TACC2: variants seen among roughly 807,000 people sequenced by gnomAD.
TACC2 encodes transforming acidic coiled-coil-containing protein 2.
Under a neutral mutation model 227.3 loss-of-function variants are expected in TACC2, and 137 were observed. The ratio of observed to expected loss-of-function variants is 0.60; its 90% CI spans 0.52 to 0.69. The LOEUF is 0.69. Ranked by LOEUF, TACC2 falls within the 30% of genes least tolerant of loss-of-function variation. The pLI is 0.00. For missense variants in TACC2, 3,470 were observed against 3,694.4 expected, an observed-to-expected ratio of 0.94 and a Z score of 1.57; for synonymous variants, 1,523 against 1,487.5, an observed-to-expected ratio of 1.02 and a Z score of -0.55.
Position 122,229,452 on chromosome 10 carries a change from AAAAG to A in TACC2, c.8006_8009del (p.Lys2669ThrfsTer13). On this transcript the variant is annotated frameshift_variant, in exon 15 of 23. Coordinates refer to ENST00000369005, the MANE Select transcript of TACC2 (RefSeq NM_206862.4). LOFTEE classifies it high-confidence loss of function. The stretch of plus-strand genomic sequence containing the variant: ...GACTATCTGGAGCCCGACTTAGCAG[AAAAG>A]AACCCCCCACTATTCGCTCAGAAAC... 6.2e-7 allele frequency: 1 copy of A among 1,613,986 alleles called. No individual in the cohort carries two copies. The highest frequency in any genetic ancestry group is 8.5e-7 in the Non-Finnish European group (1 of 1,180,002).
rs1453000758 is a variant in TACC2 at position 122,033,252 on chromosome 10, T to A, written c.33+11238T>A. 10 of 785,374 alleles carry A rather than the reference T, an allele frequency of 1.3e-5. No homozygotes were observed. In the East Asian group the frequency reaches 6.6e-4, roughly 52 times the overall value. 48.7% of individuals were successfully genotyped at this position (785,374 alleles called of 1,614,324 possible). ...TGGTGTGTCATGTGCATTTATATAT[T>A]TAGGTTTTCTCCTCCTCCCTCTTCC... On this transcript the variant is annotated intron_variant, in intron 2 of 22. Transcript: ENST00000369005.
intron 12 of TACC2, among the ~76,000 whole-genome samples, chr10:122,225,064 TAA>T (rs10712513): frequency 1.7e-3 from 243 of 143,866 alleles, no homozygotes; most frequent in South Asian, 2.2e-3. Flanking sequence ...GAGATTTCTT[TAA>T]AAAAAAAAAA....
chr10:122,047,086 C>T (rs1008572814), intron 2 of TACC2, among the ~76,000 whole-genome samples: 3 of 151,248 alleles, frequency 2.0e-5, no homozygotes, highest in African/African-American at 4.9e-5. Flanking sequence ...GTCAGGAGTT[C>T]GAGACTAGCC....
intron 3 of TACC2, among the ~76,000 whole-genome samples, chr10:122,081,445 G>A (rs1348206758): frequency 1.3e-5 from 2 of 149,652 alleles, no homozygotes; most frequent in African/African-American, 4.9e-5. Context: ...GGAGAATGGC[G>A]TGAACCCAGG....
intron 14 of TACC2, among the ~76,000 whole-genome samples, chr10:122,228,980 A>G (rs1232149337): frequency 6.6e-6 from 1 of 151,980 alleles, no homozygotes; most frequent in African/African-American, 2.4e-5. Flanking sequence ...TCATATATAT[A>G]TATATTTGGA....
chr10:122,201,552 G>A (rs1470702329), intron 8 of TACC2, among the ~76,000 whole-genome samples: 2 of 152,256 alleles, frequency 1.3e-5, no homozygotes, highest in Non-Finnish European at 2.9e-5. Flanking sequence ...GTGCACCTTG[G>A]ATGGAGACAC....
chr10:122,196,753 G>A (rs535179558), intron 8 of TACC2, among the ~76,000 whole-genome samples: 1 of 151,924 alleles, frequency 6.6e-6, no homozygotes, highest in Non-Finnish European at 1.5e-5. Context: ...TGGCCAATAC[G>A]GTGAAACCCC....
At position 122,083,995 on chromosome 10, in the gene TACC2, G is replaced by C; in HGVS notation, c.1495G>C (p.Glu499Gln). 1 of 1,614,068 alleles carries C rather than the reference G, an allele frequency of 6.2e-7. No homozygotes were observed. The highest frequency in any genetic ancestry group is 8.5e-7 in the Non-Finnish European group (1 of 1,179,990). Residue 499 changes from glutamate to glutamine, a missense_variant, in exon 4 of 23, where the codon GAG (glutamate) becomes CAG (glutamine). Coordinates refer to ENST00000369005, the MANE Select transcript of TACC2 (RefSeq NM_206862.4). ...VPAPSPQERGEHLNTEQSHEV... is the reference protein window; with the variant it reads ...VPAPSPQERGQHLNTEQSHEV... Reference sequence around the variant, plus strand: ...TGCCCCATCACCCCAGGAGAGGGGAGAGCACTTGAACACGGAGCAAAGCCA... The same window carrying C: ...TGCCCCATCACCCCAGGAGAGGGGACAGCACTTGAACACGGAGCAAAGCCA...
chr10:122,099,715 A>G (rs1384236349), intron 5 of TACC2, among the ~76,000 whole-genome samples: 2 of 151,430 alleles, frequency 1.3e-5, no homozygotes, highest in Non-Finnish European at 2.9e-5. Context: ...CAGAGGCTAC[A>G]GCTTAACTCA....
At chr10:122,032,093 A>C (rs1442125096) in intron 2 of TACC2, among the ~76,000 whole-genome samples, 15 of 152,170 alleles carry the variant, frequency 9.9e-5, no homozygotes. Flanking sequence ...CTGTGCCCAG[A>C]ATATGGGACA....
At chr10:122,245,705 A>G (rs993541972) in intron 19 of TACC2, among the ~76,000 whole-genome samples, 11 of 152,302 alleles carry the variant, frequency 7.2e-5, no homozygotes, top group Admixed American at 2.6e-4. Context: ...CAGGGGTCAC[A>G]GAGTTTATTA....
chr10:122,120,774 T>G (rs996294486), intron 5 of TACC2, among the ~76,000 whole-genome samples: 2 of 152,060 alleles, frequency 1.3e-5, no homozygotes, highest in African/African-American at 4.8e-5. Flanking sequence ...TTTCTTTTTT[T>G]TTTTGAGACG....
At chr10:122,251,548 C>T (rs7092375) in intron 22 of TACC2, among the ~76,000 whole-genome samples, 11,892 of 152,126 alleles carry the variant, frequency 0.078, 1,494 homozygotes, top group African/African-American at 0.26. Flanking sequence ...AAAGATCATA[C>T]TAGAAGCCAG....
rs2079754885 is a variant in TACC2 at position 122,083,342 on chromosome 10, C to T, written c.842C>T (p.Pro281Leu). 1 of 1,614,012 alleles carries T rather than the reference C, an allele frequency of 6.2e-7. No individual in the cohort carries two copies. The highest frequency in any genetic ancestry group is 8.5e-7 in the Non-Finnish European group (1 of 1,180,026). Residue 281 changes from proline to leucine, a missense_variant, in exon 4 of 23, where the codon CCA (proline) becomes CTA (leucine). Coordinates refer to ENST00000369005, the MANE Select transcript of TACC2 (RefSeq NM_206862.4). ...CCCATGGCCCCGATCCCACAAGATC[C>T]AGCCCCAAGAGCCTCAGACAGAGAA... Reference protein sequence around the residue: ...LKPMAPIPQDPAPRASDRERG... With the variant: ...LKPMAPIPQDLAPRASDRERG...
chr10:122,238,141 G>A (rs1233786514), intron 18 of TACC2, 104 bp downstream of exon 18: 1 of 835,276 alleles, frequency 1.2e-6, no homozygotes, highest in Non-Finnish European at 1.9e-6. Context: ...TTCTGTGGAA[G>A]TTCTCTCTTC....
Position 122,084,477 on chromosome 10 carries a change from A to G in TACC2, c.1977A>G (p.Leu659=), listed in dbSNP as rs12246656. 1,232 of 1,613,236 alleles carry G rather than the reference A, an allele frequency of 7.6e-4. 6 individuals are homozygous for G. The African/African-American group carries it at 0.012, about 16-fold the overall frequency. The change falls in exon 4 of 23, where the codon CTA becomes CTG. Residue 659 remains leucine, a synonymous_variant. Coordinates refer to ENST00000369005, the MANE Select transcript of TACC2 (RefSeq NM_206862.4). ...SQTAEADASG[L]PHKLGEEDPV... is the part of the protein sequence containing the mutation. ...CAGCAGAGGCTGATGCATCTGGCCT[A>G]CCACACAAGCTGGGTGAGGAGGACC...
chr10:122,163,694 C>T, intron 7 of TACC2: 2 of 1,097,474 alleles, frequency 1.8e-6, no homozygotes, highest in Non-Finnish European at 1.1e-6. Flanking sequence ...GGGCGCGCGC[C>T]GGCCACACTC....
At chr10:122,163,722 G>T (rs2139853355) in intron 7 of TACC2, 1 of 1,080,026 alleles carries the variant, frequency 9.3e-7, no homozygotes, top group Admixed American at 5.0e-5. Flanking sequence ...CACATACGCG[G>T]CGCTCGCCCC....
intron 10 of TACC2, 98 bp downstream of exon 10, chr10:122,215,549 G>A: frequency 9.8e-7 from 1 of 1,020,630 alleles, no homozygotes; most frequent in Non-Finnish European, 1.6e-6. Flanking sequence ...TCCCGGGCCT[G>A]TTTCCAAGAC....
Sources: allele counts gnomAD v4.1 joint callset (sites outside exome capture counted in the v4.1 genomes callset), GRCh38; gene constraint gnomAD v4.1.1; transcripts MANE v1.5; gene names NCBI Gene and HGNC (gene_info 2026-07-23, HGNC 2026-07-21).